The following GALNT15 variants were observed in gnomAD, a reference collection of about 807,000 sequenced individuals.
The protein encoded by GALNT15 is polypeptide N-acetylgalactosaminyltransferase 15, also known as UDP-GalNAc transferase T15.
GALNT15 carries 67 observed loss-of-function variants against 66.8 expected under a neutral mutation model. That is an observed-to-expected ratio of 1.00 (90% CI 0.82 to 1.23). The LOEUF (loss-of-function observed/expected upper bound fraction) is 1.23. Ranked by LOEUF, GALNT15 falls within the 50% of genes most tolerant of loss-of-function variation. GALNT15 has a pLI of 0.00. For synonymous variants in GALNT15, 313 were observed against 311.5 expected (o/e 1.00, Z -0.05); for missense variants, 827 against 804.3 (o/e 1.03, Z -0.34).
At chr3:16,201,261 A>G (rs558424989) in intron 3 of GALNT15, among the ~76,000 whole-genome samples, 1 of 151,998 alleles carries the variant, frequency 6.6e-6, no homozygotes, top group South Asian at 2.1e-4. Context: ...GGCTCACTGC[A>G]AGCTGCGCCT....
chr3:16,215,930 A>G (rs935563236), intron 6 of GALNT15, among the ~76,000 whole-genome samples: 78 of 149,712 alleles, frequency 5.2e-4, no homozygotes, highest in African/African-American at 1.8e-3. Flanking sequence ...AAAAAAGAAG[A>G]GGAAGAAGAA....
Position 16,219,666 on chromosome 3 carries a change from C to A in GALNT15, c.1524+132C>A. On this transcript the variant is annotated intron_variant, in intron 7 of 9. Coordinates refer to ENST00000339732, the MANE Select transcript of GALNT15 (RefSeq NM_054110.5). The surrounding 1 kb of genome is among the most constrained non-coding windows in gnomAD (Gnocchi z 4.3). ...GGGCCTCAGAGGCCTTGGGTCCATC[C>A]CGTGCCTCCATGCCAGTCTGAGGAA... 1.5e-6 allele frequency: 2 copies of A among 1,291,240 alleles called. No individual in the cohort carries two copies. Among genetic ancestry groups the A allele is most frequent in the South Asian group, 1.4e-5 (1 of 72,268 alleles). 80.0% of individuals were successfully genotyped at this position (1,291,240 alleles called of 1,614,324 possible).
chr3:16,231,680 T>A, downstream of GALNT15: 1 of 794,414 alleles, frequency 1.3e-6, no homozygotes, highest in Non-Finnish European at 2.0e-6. The surrounding 1 kb of genome is among the most constrained non-coding windows in gnomAD (Gnocchi z 4.1). Context: ...TCCCTAACAA[T>A]TCCCAAACTG....
rs1309046541 is a variant in GALNT15, at chr3:16,227,314, G to A, written c.1774-40G>A. ...TATTTTCTTTTGCTGACTGATTGTG[G>A]GGGACTGGTTTTCTTTTCTTTTTTC... On this transcript the variant is annotated intron_variant, in intron 9 of 9. Transcript: ENST00000339732. The surrounding 1 kb of genome is among the most constrained non-coding windows in gnomAD (Gnocchi z 4.5). 2.5e-6 allele frequency: 4 copies of A among 1,590,814 alleles called. No homozygotes were observed. The highest frequency in any genetic ancestry group is 1.8e-5 in the Admixed American group (1 of 55,070).
At chr3:16,232,508 A>ATATT (rs1351698318), downstream of GALNT15, among the ~76,000 whole-genome samples, 38 of 78,586 alleles carry the variant, frequency 4.8e-4, 2 homozygotes, top group African/African-American at 2.2e-3. Context: ...ATATATATAT[A>ATATT]TATTTATTTA....
Position 16,219,597 on chromosome 3 carries a change from G to A in GALNT15, c.1524+63G>A. On this transcript the variant is annotated intron_variant, in intron 7 of 9. Coordinates refer to ENST00000339732, the MANE Select transcript of GALNT15 (RefSeq NM_054110.5). The surrounding 1 kb of genome is among the most constrained non-coding windows in gnomAD (Gnocchi z 4.3). ...AAGCTTCCCAAGACAAGAACTAGAT[G>A]TTCAGCTCTTCCATGTCCCTGGTCA... 6.3e-7 allele frequency: 1 copy of A among 1,588,546 alleles called. No individual in the cohort carries two copies. The highest frequency in any genetic ancestry group is 8.6e-7 in the Non-Finnish European group (1 of 1,165,164).
Position 16,209,596 on chromosome 3 carries a change from T to C in GALNT15, c.1079+926T>C, listed in dbSNP as rs1421250496. On this transcript the variant is annotated intron_variant, in intron 4 of 9. Coordinates refer to ENST00000339732, the MANE Select transcript of GALNT15 (RefSeq NM_054110.5). This position sits in a 1 kb window ranked among gnomAD's most constrained non-coding sequence, Gnocchi z 4.1. ...ACTTTGGGAGGCAGAGGCGGGCTGA[T>C]CACTCGAGGCCAGGAGTTCGAGACC... Among the ~76,000 whole-genome samples, 1 of 152,120 alleles carries C rather than the reference T, an allele frequency of 6.6e-6. No homozygotes were observed.
intron 6 of GALNT15, among the ~76,000 whole-genome samples, chr3:16,213,825 A>G (rs547384599): frequency 2.4e-4 from 36 of 152,202 alleles, no homozygotes; most frequent in Non-Finnish European, 4.4e-4. Flanking sequence ...GGGAAGCCCC[A>G]TAGAGCAGCC....
chr3:16,218,810 C>CTTTTT (rs10538222), intron 6 of GALNT15, among the ~76,000 whole-genome samples: 28 of 92,922 alleles, frequency 3.0e-4, no homozygotes, highest in South Asian at 4.6e-4. Context: ...CTCTCTCTCT[C>CTTTTT]TTTTTTTTTT....
In GALNT15 at chr3:16,188,093, G is replaced by A. The variant is rs1004911902; in HGVS notation, c.540-7667G>A. ...GGTCTGAGCCTGATGGAAGGTCGTC[G>A]TCCAGGGCATGTGGCACATCTAGCA... On this transcript the variant is annotated intron_variant, in intron 1 of 9. Transcript: ENST00000339732. This position sits in a 1 kb window ranked among gnomAD's most constrained non-coding sequence, Gnocchi z 4.6. Among the ~76,000 whole-genome samples the A allele has an allele frequency of 2.0e-5, 3 of 152,156 alleles. No homozygotes were observed. The highest frequency in any genetic ancestry group is 2.9e-5 in the Non-Finnish European group (2 of 68,032).
chr3:16,222,029 A>G (rs536693721), intron 8 of GALNT15, among the ~76,000 whole-genome samples: 1 of 152,232 alleles, frequency 6.6e-6, no homozygotes, highest in African/African-American at 2.4e-5. Context: ...CACAAAATTA[A>G]TGTAGAAATG....
the GALNT15 span, among the ~76,000 whole-genome samples, chr3:16,244,811 C>A: frequency 6.6e-6 from 1 of 151,988 alleles, no homozygotes; most frequent in Non-Finnish European, 1.5e-5. Context: ...GCATGTCACC[C>A]AAACTGAGGT....
intron 3 of GALNT15, among the ~76,000 whole-genome samples, chr3:16,205,615 G>T (rs563400616): frequency 2.6e-5 from 4 of 152,332 alleles, no homozygotes; most frequent in Non-Finnish European, 4.4e-5. Context: ...AGGTCAGCTC[G>T]CTATTTTGCT....
chr3:16,212,675 G>C lies in GALNT15; in HGVS notation c.1304G>C (p.Arg435Thr), dbSNP rs1240616388. The change falls in exon 6 of 10, where the codon AGG becomes ACG. Residue 435 changes from arginine to threonine, a missense_variant. Transcript: ENST00000339732. ...CCCCTCGACCAGGAGGCCACCCTGA[G>C]GAACAGGGTTCGCATTGCTGAGACC... ...HSPLDQEATL[R>T]NRVRIAETWL... is the part of the protein sequence containing the mutation. 18 of 1,613,920 alleles carry C rather than the reference G, an allele frequency of 1.1e-5. No homozygotes were observed. Among genetic ancestry groups the C allele is most frequent in the Non-Finnish European group, 1.4e-5 (17 of 1,179,882 alleles).
chr3:16,178,557 G>A (rs986703904), intron 1 of GALNT15, among the ~76,000 whole-genome samples: 2 of 152,134 alleles, frequency 1.3e-5, no homozygotes, highest in African/African-American at 4.8e-5. Context: ...CGCAGCCCAG[G>A]CCTTGGCTGC....
At chr3:16,236,493 T>C (rs2064126401), downstream of GALNT15, among the ~76,000 whole-genome samples, 1 of 152,238 alleles carries the variant, frequency 6.6e-6, no homozygotes, top group Non-Finnish European at 1.5e-5. Context: ...CCAACAGCCA[T>C]AGTTTGCCAC....
Position 16,180,986 on chromosome 3 carries a change from C to T in GALNT15, c.539+5296C>T, listed in dbSNP as rs1479554231. ...TGTAAAATGGGATAATAATAACACC[C>T]TTGCATAAGGTTGTAGAGAAAATGA... is the stretch of plus-strand genomic sequence containing the variant. On this transcript the variant is annotated intron_variant, in intron 1 of 9. Transcript: ENST00000339732. This position sits in a 1 kb window ranked among gnomAD's most constrained non-coding sequence, Gnocchi z 5.0. Among the ~76,000 whole-genome samples the T allele has an allele frequency of 6.6e-6, 1 of 152,188 alleles. No individual in the cohort carries two copies. The highest frequency in any genetic ancestry group is 1.5e-5 in the Non-Finnish European group (1 of 68,044).
At chr3:16,179,437 T>G (rs1179652749) in intron 1 of GALNT15, among the ~76,000 whole-genome samples, 1 of 152,142 alleles carries the variant, frequency 6.6e-6, no homozygotes, top group African/African-American at 2.4e-5. Context: ...TGGGGAGAAC[T>G]CACACGGGTC....
the GALNT15 span, among the ~76,000 whole-genome samples, chr3:16,239,452 C>T: frequency 3.3e-5 from 5 of 152,228 alleles, no homozygotes; most frequent in African/African-American, 7.2e-5. This position sits in a 1 kb window ranked among gnomAD's most constrained non-coding sequence, Gnocchi z 5.2. Flanking sequence ...AGACAGAGAC[C>T]TATAAAATCC....
Sources: gnomAD v4.1 joint callset for allele counts (sites outside exome capture counted in the v4.1 genomes callset) on GRCh38, gnomAD v4.1.1 for gene constraint, Gnocchi (gnomAD v3.1) non-coding constraint, MANE v1.5 for transcripts, NCBI Gene and HGNC (gene_info 2026-07-23, HGNC 2026-07-21) for gene names.